The following TMEM44 variants were observed in gnomAD, a reference collection of about 807,000 sequenced individuals.
TMEM44 encodes transmembrane protein 44.
A neutral mutation model predicts 47.8 loss-of-function variants in TMEM44; 43 were observed. The observed-to-expected ratio is 0.90, with a 90% CI of 0.70 to 1.16. TMEM44 has a LOEUF of 1.16. Among genes scored for constraint, TMEM44 ranks in the 50% most tolerant of loss-of-function variants. TMEM44 has a pLI of 0.00. For missense variants in TMEM44, 568 were observed against 555.2 expected (o/e 1.02, Z -0.23); for synonymous variants, 277 against 238.8 (o/e 1.16, Z -1.48).
intron 5 of TMEM44, among the ~76,000 whole-genome samples, chr3:194,620,289 C>CAAA (rs752649203): frequency 9.1e-4 from 50 of 54,934 alleles, no homozygotes; most frequent in African/African-American, 2.7e-3. Context: ...AACTCCGACT[C>CAAA]AAAAAAAAAA....
intron 1 of TMEM44, 89 bp downstream of exon 1, chr3:194,632,990 G>GC: frequency 6.7e-7 from 1 of 1,484,146 alleles, no homozygotes; most frequent in Non-Finnish European, 9.0e-7. Context: ...CCCCCTTTCC[G>GC]CCCCCTCCTC....
chr3:194,633,062 A>T lies in TMEM44; in HGVS notation c.137+17T>A. The stretch of plus-strand genomic sequence containing the variant: ...CGTTTCCCCGCCCGACAGCCCCCCG[A>T]CCCGTGGCCCCATTACAGCGCGTGG... On this transcript the variant is annotated intron_variant, in intron 1 of 9. Transcript: ENST00000347147. 6.5e-7 allele frequency: 1 copy of T among 1,546,526 alleles called. No individual in the cohort carries two copies. Among genetic ancestry groups the T allele is most frequent in the African/African-American group, 1.4e-5 (1 of 72,958 alleles).
chr3:194,626,381 T>C (rs1375811193), intron 2 of TMEM44, among the ~76,000 whole-genome samples: 1 of 152,210 alleles, frequency 6.6e-6, no homozygotes, highest in Non-Finnish European at 1.5e-5. Context: ...CCTCAAAGAC[T>C]GTCAGGAAGG....
chr3:194,613,978 C>T (rs373081395), intron 7 of TMEM44, among the ~76,000 whole-genome samples: 4 of 151,568 alleles, frequency 2.6e-5, no homozygotes, highest in East Asian at 2.0e-4. Context: ...CAAAATTAGC[C>T]GGGCATGGTG....
intron 9 of TMEM44, among the ~76,000 whole-genome samples, chr3:194,594,964 C>A (rs1041964960): frequency 6.6e-6 from 1 of 152,142 alleles, no homozygotes; most frequent in Non-Finnish European, 1.5e-5. Context: ...GTACAATTAA[C>A]CCAAATCTTT....
chr3:194,612,845 T>C (rs1715468300), intron 7 of TMEM44, among the ~76,000 whole-genome samples: 1 of 150,876 alleles, frequency 6.6e-6, no homozygotes, highest in South Asian at 2.1e-4. Flanking sequence ...TTTGTATTTT[T>C]AGTAGAGACG....
intron 9 of TMEM44, among the ~76,000 whole-genome samples, chr3:194,595,629 T>A (rs145509980): frequency 0.1 from 14,954 of 145,382 alleles, 848 homozygotes; most frequent in South Asian, 0.21. Flanking sequence ...ATTCTCTATT[T>A]TTTTTTTTTT....
chr3:194,602,558 C>T lies in TMEM44; in HGVS notation c.1176+1729G>A, dbSNP rs148721260. Among the ~76,000 whole-genome samples, 18 of 151,380 alleles carry T rather than the reference C, an allele frequency of 1.2e-4. No individual in the cohort carries two copies. The East Asian group carries it at 3.5e-3, about 29-fold the overall frequency. On this transcript the variant is annotated intron_variant, in intron 9 of 9. Transcript: ENST00000347147. Reference sequence around the variant, plus strand: ...CGGAGGTTGCAGTGAGCTGAGATCGCGTCACTGCACTCCAGCCTGGGTGAC... The same window carrying T: ...CGGAGGTTGCAGTGAGCTGAGATCGTGTCACTGCACTCCAGCCTGGGTGAC...
At chr3:194,607,303 T>G (rs1024320080) in intron 8 of TMEM44, among the ~76,000 whole-genome samples, 1 of 152,140 alleles carries the variant, frequency 6.6e-6, no homozygotes, top group African/African-American at 2.4e-5. Flanking sequence ...CACGTAAACA[T>G]GCAGAACCAC....
At chr3:194,628,303 C>T (rs1717386447) in intron 2 of TMEM44, 80 bp downstream of exon 2, 1 of 1,519,810 alleles carries the variant, frequency 6.6e-7, no homozygotes. Flanking sequence ...AGACAAAAGC[C>T]ACCACGGCTG....
chr3:194,594,309 G>A (rs565903221), intron 9 of TMEM44, among the ~76,000 whole-genome samples: 5 of 151,906 alleles, frequency 3.3e-5, no homozygotes, highest in African/African-American at 1.2e-4. Context: ...GATTACAGGC[G>A]CCCAGGACCA....
intron 2 of TMEM44, 140 bp from the exon 3 acceptor site, chr3:194,626,130 C>G: frequency 1.5e-6 from 1 of 646,644 alleles, no homozygotes. Flanking sequence ...ACACCTCCTG[C>G]CAACCCCGGA....
intron 9 of TMEM44, chr3:194,589,630 G>A (rs999941): frequency 0.43 from 64,867 of 151,964 alleles, 14,820 homozygotes; most frequent in Non-Finnish European, 0.52. Flanking sequence ...GACTCAGGTG[G>A]GTTTGGGAAG....
rs1226630348 is a variant in TMEM44 at position 194,633,270 on chromosome 3, C to T, written c.-55G>A. The T allele has an allele frequency of 2.2e-5, 21 of 973,458 alleles. 1 individual carries two copies. The East Asian group carries it at 1.4e-3, about 65-fold the overall frequency. The allele number at this position is 973,458 out of a possible 1,614,324, so 60.3% of individuals were successfully genotyped here. ...GGGACCTGGGCGCAGCCTCCCTCGC[C>T]GCGGGCAAGCCCCGAGCGCCGCCGC... On this transcript the variant is annotated 5_prime_UTR_variant, in exon 1 of 10. Coordinates refer to ENST00000347147, the MANE Select transcript of TMEM44 (RefSeq NM_001011655.3).
chr3:194,599,906 T>C (rs570858396), intron 9 of TMEM44, among the ~76,000 whole-genome samples: 169 of 152,046 alleles, frequency 1.1e-3, no homozygotes, highest in African/African-American at 3.9e-3. Flanking sequence ...ATTACAGGCA[T>C]GCGCCACCAT....
intron 1 of TMEM44, 25 bp from the exon 2 acceptor site, chr3:194,628,534 A>G (rs754507225): frequency 6.3e-7 from 1 of 1,586,200 alleles, no homozygotes; most frequent in Non-Finnish European, 8.6e-7. Flanking sequence ...GTGTGGACAG[A>G]ACACAGCAAC....
chr3:194,621,963 C>T (rs1222888936), intron 5 of TMEM44, among the ~76,000 whole-genome samples: 1 of 152,204 alleles, frequency 6.6e-6, no homozygotes, highest in Admixed American at 6.5e-5. Flanking sequence ...CCACCTGCCT[C>T]GGCCTCCCAA....
chr3:194,623,390 G>A (rs545422426), intron 4 of TMEM44, 80 bp from the exon 5 acceptor site: 1 of 1,519,868 alleles, frequency 6.6e-7, no homozygotes, highest in African/African-American at 1.4e-5. Context: ...CAAAGCTCAG[G>A]AGTCCTTTTC....
intron 9 of TMEM44, chr3:194,593,058 C>T: frequency 6.2e-7 from 1 of 1,613,722 alleles, no homozygotes; most frequent in South Asian, 1.1e-5. Context: ...GAGTTTAGGG[C>T]CTCCCAATAC....
Sources: allele counts gnomAD v4.1 joint callset (sites outside exome capture counted in the v4.1 genomes callset), GRCh38; gene constraint gnomAD v4.1.1; transcripts MANE v1.5; gene names NCBI Gene and HGNC (gene_info 2026-07-23, HGNC 2026-07-21).